Variants in SAMD3 observed in about 807,000 individuals in gnomAD.
SAMD3 encodes the protein sterile alpha motif domain-containing protein 3.
A neutral mutation model predicts 58.5 loss-of-function variants in SAMD3; 63 were observed. The ratio of observed to expected loss-of-function variants is 1.08; its 90% CI spans 0.88 to 1.33. The LOEUF (loss-of-function observed/expected upper bound fraction) is 1.33, where lower values mean the gene tolerates loss of function less well. SAMD3 is among the 40% of genes most tolerant of loss of function. The probability of loss-of-function intolerance (pLI) is 0.00; values close to 1 mark genes in which losing one functional copy is unlikely to be tolerated. For missense variants in SAMD3, 604 were observed against 608.4 expected, an observed-to-expected ratio of 0.99 and a Z score of 0.08; for synonymous variants, 220 against 210.3, an observed-to-expected ratio of 1.05 and a Z score of -0.40.
intron 2 of SAMD3, among the ~76,000 whole-genome samples, chr6:130,216,309 GCAATT>G (rs928982124): frequency 1.3e-5 from 2 of 151,962 alleles, no homozygotes. Context: ...TCTTTACTTG[GCAATT>G]TCAAATCTTA....
At chr6:130,258,430 A>G (rs896566264) in intron 2 of SAMD3, among the ~76,000 whole-genome samples, 10 of 152,114 alleles carry the variant, frequency 6.6e-5, no homozygotes, top group African/African-American at 2.2e-4. Flanking sequence ...ATTGTTGTCC[A>G]TTTGTCCCTT....
At chr6:130,169,238 A>C (rs9492470) in intron 8 of SAMD3, among the ~76,000 whole-genome samples, 26,758 of 151,642 alleles carry the variant, frequency 0.18, 3,202 homozygotes, top group African/African-American at 0.34. Flanking sequence ...GAACCCCCCC[A>C]CACACACACA....
At chr6:130,354,781 C>T (rs1039619843) in intron 1 of SAMD3, among the ~76,000 whole-genome samples, 1 of 152,168 alleles carries the variant, frequency 6.6e-6, no homozygotes, top group African/African-American at 2.4e-5. Context: ...CAAACCTGCA[C>T]ATGTACCCGT....
intron 1 of SAMD3, among the ~76,000 whole-genome samples, chr6:130,345,903 T>C (rs530018626): frequency 1.3e-5 from 2 of 152,328 alleles, no homozygotes; most frequent in East Asian, 3.9e-4. Context: ...CCAAATTAAC[T>C]GTCAGGACAT....
chr6:130,302,124 T>TAAAC (rs935726908), intron 2 of SAMD3, among the ~76,000 whole-genome samples: 1 of 151,820 alleles, frequency 6.6e-6, no homozygotes, highest in South Asian at 2.1e-4. Context: ...CAGCAAACAA[T>TAAAC]AAACAAACAA....
At chr6:130,216,982 T>G (rs984370029) in intron 1 of SAMD3, among the ~76,000 whole-genome samples, 2 of 152,246 alleles carry the variant, frequency 1.3e-5, no homozygotes, top group Non-Finnish European at 2.9e-5. Flanking sequence ...GATACTGCCT[T>G]GTAGTCATCG....
At chr6:130,246,343 A>C (rs2114902362) in intron 2 of SAMD3, among the ~76,000 whole-genome samples, 1 of 152,358 alleles carries the variant, frequency 6.6e-6, no homozygotes, top group East Asian at 1.9e-4. Flanking sequence ...ACAAAGGAAC[A>C]CAATAGTATA....
At chr6:130,145,826 ATTAC>A (rs1273365920) in intron 10 of SAMD3, among the ~76,000 whole-genome samples, 180 bp downstream of exon 10, 1 of 151,912 alleles carries the variant, frequency 6.6e-6, no homozygotes. Flanking sequence ...TGTTTCACTT[ATTAC>A]TTAAATATTG....
chr6:130,165,923 T>G (rs1299984376), intron 8 of SAMD3, among the ~76,000 whole-genome samples: 3 of 152,138 alleles, frequency 2.0e-5, no homozygotes, highest in African/African-American at 7.2e-5. Context: ...TATGATGACA[T>G]GGGGATCCAA....
chr6:130,302,369 C>A (rs1005737242), intron 2 of SAMD3, among the ~76,000 whole-genome samples: 5 of 152,172 alleles, frequency 3.3e-5, no homozygotes, highest in African/African-American at 9.6e-5. Context: ...AAATTAAAAC[C>A]ATAATGAGAT....
chr6:130,272,527 G>A (rs1443168140), intron 2 of SAMD3, among the ~76,000 whole-genome samples: 1 of 152,146 alleles, frequency 6.6e-6, no homozygotes, highest in Non-Finnish European at 1.5e-5. Context: ...AATAATTAGA[G>A]AGCCAGGAAT....
chr6:130,299,766 A>C (rs1426529856), intron 2 of SAMD3, among the ~76,000 whole-genome samples: 2 of 152,158 alleles, frequency 1.3e-5, no homozygotes, highest in African/African-American at 4.8e-5. Context: ...GAAGTGACAG[A>C]GGTAGCACTA....
intron 1 of SAMD3, among the ~76,000 whole-genome samples, chr6:130,364,537 T>G (rs1303919727): frequency 6.6e-6 from 1 of 151,932 alleles, no homozygotes; most frequent in African/African-American, 2.4e-5. Context: ...GGAAGCACAC[T>G]CCTTTGATAT....
At position 130,333,692 on chromosome 6, in the gene SAMD3, C is replaced by T. The variant is rs577126402; in HGVS notation, c.-303-20599G>A. Among the ~76,000 whole-genome samples the T allele has an allele frequency of 3.9e-4, 60 of 152,192 alleles. 1 individual carries two copies. The highest frequency in any genetic ancestry group is 3.4e-3 in the Middle Eastern group (1 of 294). ...ATCTGATATAAGCTCTTGTACTGTC[C>T]GACAGGGGAGACATTTAGTTTTAGT... is the stretch of plus-strand genomic sequence containing the variant. On this transcript the variant is annotated intron_variant, in intron 1 of 13. Coordinates refer to the SAMD3 transcript ENST00000368134.
intron 1 of SAMD3, chr6:130,221,544 T>G (rs1451326486): frequency 6.6e-6 from 1 of 152,188 alleles, no homozygotes; most frequent in Non-Finnish European, 1.5e-5. Flanking sequence ...GTTATATATA[T>G]TATATACAGT....
chr6:130,324,920 G>A (rs1320387600), intron 1 of SAMD3, among the ~76,000 whole-genome samples: 1 of 152,102 alleles, frequency 6.6e-6, no homozygotes, highest in Non-Finnish European at 1.5e-5. Flanking sequence ...ATCTTGCCAA[G>A]GAGCCAGGGG....
chr6:130,187,271 G>A (rs971181001), intron 5 of SAMD3, among the ~76,000 whole-genome samples: 12 of 151,838 alleles, frequency 7.9e-5, no homozygotes, highest in African/African-American at 2.2e-4. Flanking sequence ...AATAAAGCTC[G>A]TTACACTGTT....
chr6:130,247,887 A>T (rs184801662), intron 2 of SAMD3, among the ~76,000 whole-genome samples: 6 of 152,276 alleles, frequency 3.9e-5, no homozygotes, highest in Admixed American at 3.3e-4. Flanking sequence ...AAGTAGGTGC[A>T]TTACAGTTGT....
chr6:130,154,103 G>C (rs1789505111), intron 9 of SAMD3, among the ~76,000 whole-genome samples: 1 of 152,048 alleles, frequency 6.6e-6, no homozygotes, highest in Admixed American at 6.5e-5. Flanking sequence ...AAGCATGAAA[G>C]GGAATAATGA....
Sources: gnomAD v4.1 joint callset for allele counts (sites outside exome capture counted in the v4.1 genomes callset) on GRCh38, gnomAD v4.1.1 for gene constraint, MANE v1.5 for transcripts, NCBI Gene and HGNC (gene_info 2026-07-23, HGNC 2026-07-21) for gene names.